Variants in CHST11 observed in about 807,000 individuals in gnomAD.
The protein encoded by CHST11 is C4S-1.
In CHST11, 9 loss-of-function variants were observed where a neutral mutation model predicts 30.4. The ratio of observed to expected loss-of-function variants is 0.30; its 90% CI spans 0.18 to 0.52. The LOEUF is 0.52. Ranked by LOEUF, CHST11 falls within the 20% of genes least tolerant of loss-of-function variation. The pLI is 0.97. For synonymous variants in CHST11, 152 were observed against 187.8 expected (o/e 0.81, Z 1.56); for missense variants, 348 against 460.6 (o/e 0.76, Z 2.24).
intron 2 of CHST11, among the ~76,000 whole-genome samples, chr12:104,716,512 A>G (rs1004225561): frequency 2.0e-5 from 3 of 152,250 alleles, no homozygotes; most frequent in African/African-American, 7.2e-5. Context: ...GAGTGTTTCT[A>G]TGATCGTCTC....
intron 2 of CHST11, among the ~76,000 whole-genome samples, chr12:104,740,657 G>T (rs1425515548): frequency 2.0e-5 from 3 of 152,328 alleles, no homozygotes; most frequent in Middle Eastern, 3.4e-3. Flanking sequence ...AGGACTCTGA[G>T]ATGCAAAATT....
At chr12:104,543,239 TCATTA>T (rs2038302822) in intron 1 of CHST11, among the ~76,000 whole-genome samples, 1 of 152,134 alleles carries the variant, frequency 6.6e-6, no homozygotes, top group African/African-American at 2.4e-5. Flanking sequence ...GAGAACTCAC[TCATTA>T]CCAAGAGGAT....
At chr12:104,485,487 C>T (rs575469800) in intron 1 of CHST11, among the ~76,000 whole-genome samples, 1 of 152,318 alleles carries the variant, frequency 6.6e-6, no homozygotes, top group African/African-American at 2.4e-5. Flanking sequence ...GATCCACGAC[C>T]TTTGGGAACC....
chr12:104,714,701 C>T (rs2040115839), intron 2 of CHST11, among the ~76,000 whole-genome samples: 1 of 152,138 alleles, frequency 6.6e-6, no homozygotes, highest in South Asian at 2.1e-4. Flanking sequence ...GAGCACAGCA[C>T]AGCCCAGCGT....
intron 2 of CHST11, among the ~76,000 whole-genome samples, chr12:104,731,674 C>T (rs887613048): frequency 6.6e-6 from 1 of 152,232 alleles, no homozygotes; most frequent in Non-Finnish European, 1.5e-5. Flanking sequence ...TAAATTGGAG[C>T]TGAGCATGTC....
rs546813387 is a variant in CHST11, at chr12:104,534,191, A to T, written c.119-67715A>T. Among the ~76,000 whole-genome samples, 6 of 152,340 alleles carry T rather than the reference A, an allele frequency of 3.9e-5. No individual in the cohort carries two copies. The South Asian group carries it at 1.2e-3, about 32-fold the overall frequency. ...ATAAATGTATTTAGCAAAATGACAT[A>T]TTTCAGCGATAAATTTGGTTTCTTA... On this transcript the variant is annotated intron_variant, in intron 1 of 2. Coordinates refer to ENST00000303694, the MANE Select transcript of CHST11 (RefSeq NM_018413.6).
chr12:104,518,647 T>C (rs1014855721), intron 1 of CHST11, among the ~76,000 whole-genome samples: 1 of 152,216 alleles, frequency 6.6e-6, no homozygotes, highest in African/African-American at 2.4e-5. Context: ...TGTGTCACTT[T>C]GCAGGAAAAA....
chr12:104,691,636 C>T lies in CHST11; in HGVS notation c.205-65313C>T, dbSNP rs374101323. Among the ~76,000 whole-genome samples the T allele has an allele frequency of 7.2e-5, 11 of 151,972 alleles. 1 individual carries two copies. The highest frequency in any genetic ancestry group is 2.1e-4 in the South Asian group (1 of 4,814). On this transcript the variant is annotated intron_variant, in intron 2 of 2. Coordinates refer to ENST00000303694, the MANE Select transcript of CHST11 (RefSeq NM_018413.6). ...CCAAGTAGCTGGGATTACAGGCATGCGCCACAGTGCCCAGCTAATTTTTTT... is the reference window on the plus strand; with the variant it reads ...CCAAGTAGCTGGGATTACAGGCATGTGCCACAGTGCCCAGCTAATTTTTTT...
intron 1 of CHST11, among the ~76,000 whole-genome samples, chr12:104,568,462 AC>A (rs1565990198): frequency 2.0e-5 from 3 of 152,010 alleles, no homozygotes; most frequent in Non-Finnish European, 4.4e-5. Flanking sequence ...GTACACATTT[AC>A]TGATGAGCTG....
In CHST11 at chr12:104,624,687, G is replaced by A. The variant is rs553795371; in HGVS notation, c.204+22696G>A. Among the ~76,000 whole-genome samples the A allele has an allele frequency of 1.1e-4, 17 of 152,308 alleles. No individual in the cohort carries two copies. The South Asian group carries it at 2.7e-3, about 24-fold the overall frequency. On this transcript the variant is annotated intron_variant, in intron 2 of 2. Coordinates refer to ENST00000303694, the MANE Select transcript of CHST11 (RefSeq NM_018413.6). Reference sequence around the variant, plus strand: ...AGTGGCAGGCTCTCAATTCTAGCTAGTATTGGGATTACATTTTCCCAGGTG... The same window carrying A: ...AGTGGCAGGCTCTCAATTCTAGCTAATATTGGGATTACATTTTCCCAGGTG...
chr12:104,576,584 G>C (rs762011181), intron 1 of CHST11, among the ~76,000 whole-genome samples: 1 of 152,202 alleles, frequency 6.6e-6, no homozygotes, highest in Non-Finnish European at 1.5e-5. Context: ...TCAGAGAAGA[G>C]CTCTGAACTG....
chr12:104,649,594 C>A (rs1325821206), intron 2 of CHST11, among the ~76,000 whole-genome samples: 1 of 152,112 alleles, frequency 6.6e-6, no homozygotes, highest in African/African-American at 2.4e-5. Flanking sequence ...GTAGGCGAAC[C>A]AATGTGGTTT....
Position 104,595,075 on chromosome 12 carries a change from C to T in CHST11, c.119-6831C>T, listed in dbSNP as rs889148673. 2.6e-5 allele frequency among the ~76,000 whole-genome samples: 4 copies of T among 152,318 alleles called. No individual in the cohort carries two copies. In the South Asian group the frequency reaches 6.2e-4, roughly 24 times the overall value. On this transcript the variant is annotated intron_variant, in intron 1 of 2. Coordinates refer to ENST00000303694, the MANE Select transcript of CHST11 (RefSeq NM_018413.6). Reference sequence around the variant, plus strand: ...TGTTAGAGGTCAGATTCTTCCCACTCTGAGATCCCCTAACTCTGATTCCCT... The same window carrying T: ...TGTTAGAGGTCAGATTCTTCCCACTTTGAGATCCCCTAACTCTGATTCCCT...
chr12:104,584,673 G>GTTACT (rs1327672749), intron 1 of CHST11, among the ~76,000 whole-genome samples: 209 of 35,842 alleles, frequency 5.8e-3, no homozygotes, highest in African/African-American at 0.026. Flanking sequence ...GGTTTAAGTG[G>GTTACT]TTAATTTAAA....
At chr12:104,735,528 G>A (rs925860969) in intron 2 of CHST11, among the ~76,000 whole-genome samples, 2 of 152,218 alleles carry the variant, frequency 1.3e-5, no homozygotes, top group African/African-American at 4.8e-5. Flanking sequence ...GGTCATCCGA[G>A]ACATCATCTT....
chr12:104,545,169 A>T (rs536349678), intron 1 of CHST11, among the ~76,000 whole-genome samples: 3 of 114,838 alleles, frequency 2.6e-5, no homozygotes, highest in Non-Finnish European at 5.7e-5. Context: ...AAAAGCAAAA[A>T]AATCAATCCA....
At chr12:104,662,006 A>C (rs974041273) in intron 2 of CHST11, among the ~76,000 whole-genome samples, 2 of 152,224 alleles carry the variant, frequency 1.3e-5, no homozygotes, top group Non-Finnish European at 2.9e-5. Context: ...GAGATGAATC[A>C]GTGAGCTCCA....
rs556943752 is a variant in CHST11, at chr12:104,716,099, G to C, written c.205-40850G>C. On this transcript the variant is annotated intron_variant, in intron 2 of 2. Coordinates refer to ENST00000303694, the MANE Select transcript of CHST11 (RefSeq NM_018413.6). Reference sequence around the variant, plus strand: ...CCCTAGCTTGGGTGGATCTGGTGGTGCTGTGTCTGCACACGGGGTGCCAAG... The same window carrying C: ...CCCTAGCTTGGGTGGATCTGGTGGTCCTGTGTCTGCACACGGGGTGCCAAG... Among the ~76,000 whole-genome samples, 4 of 152,256 alleles carry C rather than the reference G, an allele frequency of 2.6e-5. No individual in the cohort carries two copies. The East Asian group carries it at 7.7e-4, about 29-fold the overall frequency.
intron 2 of CHST11, among the ~76,000 whole-genome samples, chr12:104,663,085 G>C (rs4462423): frequency 0.2 from 29,812 of 152,252 alleles, 3,162 homozygotes; most frequent in Admixed American, 0.25. Context: ...TGCCCCGAGG[G>C]ATTGGGCCAA....
Sources: allele counts gnomAD v4.1 joint callset (sites outside exome capture counted in the v4.1 genomes callset), GRCh38; gene constraint gnomAD v4.1.1; transcripts MANE v1.5; gene names NCBI Gene and HGNC (gene_info 2026-07-23, HGNC 2026-07-21).